The following TRMT2B variants were observed in gnomAD, a reference collection of about 807,000 sequenced individuals.
TRMT2B encodes tRNA (uracil-5-)-methyltransferase homolog B.
Under a neutral mutation model 39.7 loss-of-function variants are expected in TRMT2B, and 34 were observed. That is an observed-to-expected ratio of 0.86 (90% CI 0.65 to 1.14). TRMT2B has a LOEUF of 1.14. Among genes scored for constraint, TRMT2B ranks in the 50% most tolerant of loss-of-function variants. TRMT2B has a pLI of 0.00. For synonymous variants in TRMT2B, 132 were observed against 137.3 expected (o/e 0.96, Z 0.27); for missense variants, 318 against 377.2 (o/e 0.84, Z 1.30).
rs2086169258 is a variant in TRMT2B at position 101,009,548 on chromosome X, T to C, written c.*1033A>G. 1.0e-5 allele frequency: 1 copy of C among 99,897 alleles called. No homozygotes were observed. The highest frequency in any genetic ancestry group is 3.7e-5 in the African/African-American group (1 of 27,064). The allele number at this position is 99,897 out of a possible 1,213,427, so 8.2% of individuals were successfully genotyped here. ...TAGGGATAACTACATTTTCTTTTTT[T>C]TTTTTTTTTTGAGATGGTGTCTCAC... On this transcript the variant is annotated 3_prime_UTR_variant, in exon 14 of 14. Coordinates refer to ENST00000372936, the MANE Select transcript of TRMT2B (RefSeq NM_024917.6).
At chrX:100,981,274 C>T in the TRMT2B span, among the ~76,000 whole-genome samples, 1 of 112,135 alleles carries the variant, frequency 8.9e-6, no homozygotes, top group East Asian at 2.8e-4. Context: ...TTCCCTCTGG[C>T]TAGGGCTGGT....
chrX:101,050,118 G>A lies in TRMT2B; in HGVS notation c.-24+1133C>T, dbSNP rs191157933. 6.3e-5 allele frequency among the ~76,000 whole-genome samples: 7 copies of A among 111,940 alleles called. No individual in the cohort carries two copies. The East Asian group carries it at 2.0e-3, about 32-fold the overall frequency. The stretch of plus-strand genomic sequence containing the variant: ...ATTTAGACTTTTTTGTGAGTGTGTG[G>A]GTCCTCTCACTGGTGACTCTGCCAT... On this transcript the variant is annotated intron_variant, in intron 2 of 13. Coordinates refer to ENST00000372936, the MANE Select transcript of TRMT2B (RefSeq NM_024917.6).
chrX:100,976,478 TCA>T, the TRMT2B span, among the ~76,000 whole-genome samples: 4 of 111,774 alleles, frequency 3.6e-5, no homozygotes, highest in Non-Finnish European at 7.5e-5. Flanking sequence ...GGCACTGATA[TCA>T]CATTCTGAAG....
intron 2 of TRMT2B, among the ~76,000 whole-genome samples, chrX:101,042,773 A>G (rs1325822506): frequency 1.8e-5 from 2 of 111,670 alleles, no homozygotes; most frequent in Non-Finnish European, 3.8e-5. Context: ...GAGTGCTCAG[A>G]AAAGGCTTCC....
intron 7 of TRMT2B, among the ~76,000 whole-genome samples, chrX:101,032,522 G>A (rs1227834982): frequency 4.6e-5 from 5 of 108,524 alleles, no homozygotes; most frequent in Admixed American, 2.0e-4. Context: ...GGGAGGCAGA[G>A]GTAGCAGTGA....
the TRMT2B span, chrX:100,973,768 C>T: frequency 8.3e-7 from 1 of 1,198,479 alleles, no homozygotes; most frequent in African/African-American, 1.7e-5. Flanking sequence ...CAATTATTTC[C>T]CTAGGCCTAT....
intron 4 of TRMT2B, among the ~76,000 whole-genome samples, chrX:101,040,303 A>G (rs2088148784): frequency 9.1e-6 from 1 of 109,857 alleles, no homozygotes; most frequent in Admixed American, 9.9e-5. Flanking sequence ...AAAAAAAAAA[A>G]AAAAAAGAAT....
intron 2 of TRMT2B, 35 bp from the exon 3 acceptor site, chrX:101,042,347 T>A: frequency 8.6e-7 from 1 of 1,165,574 alleles, no homozygotes; most frequent in Non-Finnish European, 1.1e-6. Flanking sequence ...GGTTGGGAAA[T>A]AGAAGCACAA....
intron 7 of TRMT2B, among the ~76,000 whole-genome samples, chrX:101,025,828 G>A (rs1380627931): frequency 9.1e-6 from 1 of 110,334 alleles, no homozygotes; most frequent in Non-Finnish European, 1.9e-5. Context: ...ACATGGTGGC[G>A]GGCACCTGTA....
chrX:101,006,455 T>C (rs752940280), downstream of TRMT2B, among the ~76,000 whole-genome samples: 4 of 110,392 alleles, frequency 3.6e-5, no homozygotes, highest in South Asian at 7.8e-4. Context: ...AGAAGATAGA[T>C]GTATAAGGTA....
At chrX:100,978,337 ATC>A in the TRMT2B span, among the ~76,000 whole-genome samples, 1 of 111,008 alleles carries the variant, frequency 9.0e-6, no homozygotes, top group African/African-American at 3.3e-5. Context: ...ATTGGGGTCT[ATC>A]TCTCTCTCTT....
chrX:100,990,055 G>A, the TRMT2B span, among the ~76,000 whole-genome samples: 1 of 112,711 alleles, frequency 8.9e-6, no homozygotes. Flanking sequence ...AAAAGAGAAT[G>A]GATACCTGGG....
At chrX:100,983,051 G>A in the TRMT2B span, among the ~76,000 whole-genome samples, 1 of 110,818 alleles carries the variant, frequency 9.0e-6, no homozygotes, top group Non-Finnish European at 1.9e-5. Context: ...ATTATATGGT[G>A]CCCGGACCAT....
At chrX:100,996,128 A>T in the TRMT2B span, among the ~76,000 whole-genome samples, 4 of 112,009 alleles carry the variant, frequency 3.6e-5, no homozygotes, top group Non-Finnish European at 7.5e-5. Flanking sequence ...AGCAACGTGG[A>T]TGGAACTAGA....
intron 7 of TRMT2B, among the ~76,000 whole-genome samples, chrX:101,031,446 G>A (rs781244535): frequency 4.7e-4 from 53 of 112,363 alleles, no homozygotes; most frequent in Middle Eastern, 4.6e-3. Flanking sequence ...GGTGGCTCAC[G>A]CCTGTAATGC....
At chrX:101,028,455 T>C (rs2087254051) in intron 7 of TRMT2B, among the ~76,000 whole-genome samples, 1 of 110,871 alleles carries the variant, frequency 9.0e-6, no homozygotes, top group African/African-American at 3.3e-5. Flanking sequence ...ACTCAATCCA[T>C]CAGGAAATCC....
At chrX:100,974,008 ACATG>A in the TRMT2B span, 1 of 613,737 alleles carries the variant, frequency 1.6e-6, no homozygotes, top group Non-Finnish European at 2.6e-6. Flanking sequence ...CTTTTATGGT[ACATG>A]CATTGAGATT....
intron 8 of TRMT2B, 52 bp downstream of exon 8, chrX:101,023,418 T>C: frequency 8.6e-7 from 1 of 1,161,665 alleles, no homozygotes; most frequent in Non-Finnish European, 1.2e-6. Flanking sequence ...CAATTACAGT[T>C]ATAGTTAGTA....
At chrX:101,049,575 C>A (rs1008735270) in intron 2 of TRMT2B, among the ~76,000 whole-genome samples, 33 of 104,770 alleles carry the variant, frequency 3.1e-4, no homozygotes, top group Non-Finnish European at 4.8e-4. Context: ...GGGTGGATCA[C>A]TTGAGGTTAG....
Sources: allele counts gnomAD v4.1 joint callset (sites outside exome capture counted in the v4.1 genomes callset), GRCh38; gene constraint gnomAD v4.1.1; transcripts MANE v1.5; gene names NCBI Gene and HGNC (gene_info 2026-07-23, HGNC 2026-07-21).